The following SEMA3E variants were observed in gnomAD, a reference collection of about 807,000 sequenced individuals.
SEMA3E encodes semaphorin-3E.
A neutral mutation model predicts 93.6 loss-of-function variants in SEMA3E; 49 were observed. That is an observed-to-expected ratio of 0.52 (90% CI 0.42 to 0.66). The LOEUF is 0.66. Ranked by LOEUF, SEMA3E falls within the 30% of genes least tolerant of loss-of-function variation. The probability of loss-of-function intolerance (pLI) is 0.00; values close to 1 mark genes in which losing one functional copy is unlikely to be tolerated. For missense variants in SEMA3E, 906 were observed against 964.8 expected (o/e 0.94, Z 0.81); for synonymous variants, 363 against 330.7 (o/e 1.10, Z -1.06).
chr7:83,407,407 A>G (rs1284553274), intron 6 of SEMA3E, among the ~76,000 whole-genome samples, 168 bp from the exon 7 acceptor site: 2 of 152,202 alleles, frequency 1.3e-5, no homozygotes, highest in East Asian at 3.8e-4. Context: ...AACTATGTTG[A>G]TATCTCCACT....
chr7:83,610,724 G>A (rs1793234945), intron 1 of SEMA3E, among the ~76,000 whole-genome samples: 1 of 152,000 alleles, frequency 6.6e-6, no homozygotes, highest in Non-Finnish European at 1.5e-5. Flanking sequence ...GAGATGGGGA[G>A]GGACACAGAC....
rs1788320516 is a variant in SEMA3E at position 83,405,931 on chromosome 7, C to T, written c.928+14G>A. ...ACATAAAAGAGCAAATTTAATTCAC[C>T]TAAAAACATTTACCTAATTCATCAA... On this transcript the variant is annotated intron_variant, in intron 8 of 16. Coordinates refer to ENST00000643230, the MANE Select transcript of SEMA3E (RefSeq NM_012431.3). 2.5e-6 allele frequency: 4 copies of T among 1,574,772 alleles called. No homozygotes were observed. Among genetic ancestry groups the T allele is most frequent in the Non-Finnish European group, 3.5e-6 (4 of 1,144,634 alleles).
At chr7:83,494,930 C>A (rs1790458391) in intron 1 of SEMA3E, among the ~76,000 whole-genome samples, 1 of 151,928 alleles carries the variant, frequency 6.6e-6, no homozygotes, top group African/African-American at 2.4e-5. Flanking sequence ...AATTATCCAT[C>A]TGCGGTTAAA....
intron 1 of SEMA3E, among the ~76,000 whole-genome samples, chr7:83,624,224 AT>A (rs1793624278): frequency 6.6e-6 from 1 of 152,014 alleles, no homozygotes; most frequent in African/African-American, 2.4e-5. Context: ...ATTTAAAATC[AT>A]TTGGGTATAT....
intron 1 of SEMA3E, among the ~76,000 whole-genome samples, chr7:83,557,998 G>A (rs1437382840): frequency 6.6e-6 from 1 of 152,042 alleles, no homozygotes. Flanking sequence ...TGATCCAGAA[G>A]GATAAATGTT....
intron 4 of SEMA3E, among the ~76,000 whole-genome samples, chr7:83,453,189 G>A (rs1357828594): frequency 6.6e-6 from 1 of 151,912 alleles, no homozygotes; most frequent in Non-Finnish European, 1.5e-5. Flanking sequence ...CACCACGCCT[G>A]GCTAATTTTT....
chr7:83,425,636 C>T (rs1788754821), intron 4 of SEMA3E, among the ~76,000 whole-genome samples: 1 of 152,114 alleles, frequency 6.6e-6, no homozygotes, highest in Non-Finnish European at 1.5e-5. Context: ...GGTAATTATT[C>T]ACATTTTTAT....
Position 83,394,651 on chromosome 7 carries a change from A to G in SEMA3E, c.1459-313T>C, listed in dbSNP as rs12112723. 0.011 allele frequency among the ~76,000 whole-genome samples: 1,609 copies of G among 152,284 alleles called. 23 individuals carry two copies. Among genetic ancestry groups the G allele is most frequent in the African/African-American group, 0.037 (1,536 of 41,558 alleles). Reference sequence around the variant, plus strand: ...TTGGAAACTCAAGTATCTTTAAATAAAATAATAAAGTCAGAATGTTCTATT... The same window carrying G: ...TTGGAAACTCAAGTATCTTTAAATAGAATAATAAAGTCAGAATGTTCTATT... On this transcript the variant is annotated intron_variant, in intron 12 of 16. Coordinates refer to ENST00000643230, the MANE Select transcript of SEMA3E (RefSeq NM_012431.3).
chr7:83,462,992 C>T (rs1239026730), intron 4 of SEMA3E, among the ~76,000 whole-genome samples: 1 of 115,996 alleles, frequency 8.6e-6, no homozygotes, highest in African/African-American at 2.7e-5. Flanking sequence ...TGACACCCAT[C>T]AAGCTTAGCA....
At chr7:83,638,361 T>A (rs1210951124) in intron 1 of SEMA3E, among the ~76,000 whole-genome samples, 1 of 152,198 alleles carries the variant, frequency 6.6e-6, no homozygotes, top group Non-Finnish European at 1.5e-5. Context: ...AAGCGACATC[T>A]AATTTCATTT....
intron 10 of SEMA3E, among the ~76,000 whole-genome samples, chr7:83,401,233 A>G (rs1423289370): frequency 6.6e-6 from 1 of 152,120 alleles, no homozygotes; most frequent in East Asian, 1.9e-4. Flanking sequence ...CATGCTTGTT[A>G]GTAACTGCTC....
At chr7:83,524,652 C>T (rs1035120413) in intron 1 of SEMA3E, among the ~76,000 whole-genome samples, 1 of 152,064 alleles carries the variant, frequency 6.6e-6, no homozygotes, top group Non-Finnish European at 1.5e-5. Context: ...ATAAATATGG[C>T]TTTTTCCTTC....
chr7:83,451,207 G>A (rs544779187), intron 4 of SEMA3E, among the ~76,000 whole-genome samples: 2 of 152,278 alleles, frequency 1.3e-5, no homozygotes, highest in South Asian at 4.1e-4. Context: ...GGAACTGTGA[G>A]TCAATTAATC....
At chr7:83,522,528 C>T (rs867798863) in intron 1 of SEMA3E, among the ~76,000 whole-genome samples, 1 of 151,994 alleles carries the variant, frequency 6.6e-6, no homozygotes, top group Non-Finnish European at 1.5e-5. Context: ...AGATTGCATC[C>T]TTATTTGTCT....
At chr7:83,565,673 T>C (rs1411540497) in intron 1 of SEMA3E, among the ~76,000 whole-genome samples, 6 of 152,150 alleles carry the variant, frequency 3.9e-5, no homozygotes, top group African/African-American at 1.4e-4. Context: ...TAAAAATTGT[T>C]TTTTAGAAGG....
At chr7:83,425,828 C>T (rs1467704223) in intron 4 of SEMA3E, among the ~76,000 whole-genome samples, 1 of 152,116 alleles carries the variant, frequency 6.6e-6, no homozygotes, top group Non-Finnish European at 1.5e-5. Context: ...AAAATATTCA[C>T]AATCTATGCA....
intron 1 of SEMA3E, among the ~76,000 whole-genome samples, chr7:83,530,096 T>C (rs571870339): frequency 6.6e-6 from 1 of 152,272 alleles, no homozygotes; most frequent in South Asian, 2.1e-4. Context: ...AAGAGAATCA[T>C]TGATGAGAAG....
At chr7:83,604,861 A>G (rs1023352884) in intron 1 of SEMA3E, among the ~76,000 whole-genome samples, 3 of 151,896 alleles carry the variant, frequency 2.0e-5, no homozygotes, top group African/African-American at 7.2e-5. Flanking sequence ...TTCAACTCCC[A>G]CTTATGAGTG....
intron 1 of SEMA3E, among the ~76,000 whole-genome samples, chr7:83,554,994 A>AAATAAATAAATAAATGAATG (rs1554337680): frequency 1.3e-5 from 2 of 148,256 alleles, no homozygotes; most frequent in African/African-American, 5.0e-5. Context: ...ATAAATAAAT[A>AAATAAATAAATAAATGAATG]AATAAAAATG....
Sources: allele counts gnomAD v4.1 joint callset (sites outside exome capture counted in the v4.1 genomes callset), GRCh38; gene constraint gnomAD v4.1.1; transcripts MANE v1.5; gene names NCBI Gene and HGNC (gene_info 2026-07-23, HGNC 2026-07-21).